Variants in ATP13A3 observed in about 807,000 individuals in gnomAD.
ATP13A3 encodes the protein ATPase 13A3, also known as polyamine-transporting ATPase 13A3.
In ATP13A3, 59 loss-of-function variants were observed where a neutral mutation model predicts 158.1. The observed-to-expected ratio is 0.37, with a 90% CI of 0.30 to 0.46. The LOEUF is 0.46. Ranked by LOEUF, ATP13A3 falls within the 20% of genes least tolerant of loss-of-function variation. The pLI, the probability that ATP13A3 is intolerant of heterozygous loss-of-function variation, is 1.00. For synonymous variants in ATP13A3, 491 were observed against 504.3 expected, an observed-to-expected ratio of 0.97 and a Z score of 0.35; for missense variants, 1,166 against 1,525.2, an observed-to-expected ratio of 0.76 and a Z score of 3.92.
chr3:194,415,701 G>A lies in ATP13A3; in HGVS notation c.3403-1862C>T, dbSNP rs1297696848. Among the ~76,000 whole-genome samples, 5 of 109,520 alleles carry A rather than the reference G, an allele frequency of 4.6e-5. 1 individual carries two copies. The highest frequency in any genetic ancestry group is 1.4e-4 in the Admixed American group (1 of 7,374). The allele number at this position is 109,520 out of a possible 152,430, so 71.8% of individuals were successfully genotyped here. The stretch of plus-strand genomic sequence containing the variant: ...TTTTTTTTTTTTGAGACGGAGTCTC[G>A]CCCTGTCGCCCAGCCTGGAGTGCAG... On this transcript the variant is annotated intron_variant, in intron 31 of 33. Transcript: ENST00000645319.
chr3:194,455,406 C>A (rs923323984), intron 8 of ATP13A3, among the ~76,000 whole-genome samples: 4 of 152,046 alleles, frequency 2.6e-5, no homozygotes, highest in Non-Finnish European at 5.9e-5. Flanking sequence ...TTGGAAAAAA[C>A]TTATTCCAAG....
chr3:194,412,379 A>C lies in ATP13A3; in HGVS notation c.3484-91T>G, dbSNP rs1461825921. 5.3e-6 allele frequency: 5 copies of C among 941,280 alleles called. No homozygotes were observed. The African/African-American group carries it at 8.1e-5, about 15-fold the overall frequency. 58.3% of individuals were successfully genotyped at this position (941,280 alleles called of 1,614,324 possible). A position where few individuals can be genotyped will look rare whatever the true frequency, so the allele number is the denominator to read the frequency against. On this transcript the variant is annotated intron_variant, in intron 32 of 33. Coordinates refer to ENST00000645319, the MANE Select transcript of ATP13A3 (RefSeq NM_001367549.1). ...TTTTAAAAAATCACACATGCTGCAT[A>C]ATTGATGAAAAGGATATTTTGATTT...
At chr3:194,425,582 A>G (rs1335195114) in intron 29 of ATP13A3, 53 bp from the exon 30 acceptor site, 14 of 1,421,062 alleles carry the variant, frequency 9.9e-6, no homozygotes, top group African/African-American at 1.4e-5. Flanking sequence ...CTCATTTCCC[A>G]AAAGAAACCA....
At chr3:194,471,054 A>G (rs952859778) in intron 2 of ATP13A3, among the ~76,000 whole-genome samples, 5 of 152,186 alleles carry the variant, frequency 3.3e-5, no homozygotes, top group South Asian at 2.1e-4. Flanking sequence ...AAGACTGAAT[A>G]GTTGATTGAA....
At chr3:194,431,688 T>A (rs776865318) in intron 22 of ATP13A3, 29 bp downstream of exon 22, 34 of 1,485,082 alleles carry the variant, frequency 2.3e-5, no homozygotes, top group Non-Finnish European at 3.0e-5. Flanking sequence ...TCAACAAACT[T>A]TAAAACGGAC....
chr3:194,426,612 T>C (rs747696258), intron 29 of ATP13A3, among the ~76,000 whole-genome samples: 16 of 152,170 alleles, frequency 1.1e-4, no homozygotes, highest in Non-Finnish European at 1.9e-4. Context: ...TATTAGGATT[T>C]TGCCTGAACA....
chr3:194,457,316 C>T (rs1719299116), intron 6 of ATP13A3, 142 bp from the exon 7 acceptor site: 1 of 591,522 alleles, frequency 1.7e-6, no homozygotes. Flanking sequence ...ATTGAGATAA[C>T]AAATGAGAAT....
chr3:194,470,801 G>A (rs927933124), intron 2 of ATP13A3, among the ~76,000 whole-genome samples: 2 of 152,156 alleles, frequency 1.3e-5, no homozygotes, highest in Middle Eastern at 6.3e-3. Flanking sequence ...TTGCTAGATA[G>A]ATTTCAAAAC....
At chr3:194,428,079 G>A (rs1252416954) in intron 28 of ATP13A3, among the ~76,000 whole-genome samples, 1 of 151,906 alleles carries the variant, frequency 6.6e-6, no homozygotes, top group African/African-American at 2.4e-5. Context: ...AAATTAGCAG[G>A]GCATGATGGT....
At chr3:194,461,061 T>C (rs1044445435) in intron 3 of ATP13A3, among the ~76,000 whole-genome samples, 2 of 152,228 alleles carry the variant, frequency 1.3e-5, no homozygotes, top group Non-Finnish European at 2.9e-5. Flanking sequence ...TTATATTTAA[T>C]TTATGCCTAA....
At chr3:194,440,777 T>C (rs1717996832) in intron 16 of ATP13A3, among the ~76,000 whole-genome samples, 1 of 152,166 alleles carries the variant, frequency 6.6e-6, no homozygotes, top group Non-Finnish European at 1.5e-5. Flanking sequence ...ACTGACTTTG[T>C]ATTTATAAAA....
At chr3:194,421,922 T>C (rs551482841) in intron 30 of ATP13A3, among the ~76,000 whole-genome samples, 2 of 145,000 alleles carry the variant, frequency 1.4e-5, no homozygotes, top group Non-Finnish European at 3.0e-5. Flanking sequence ...TGCGACCTGG[T>C]TCTTGACATG....
At chr3:194,406,829 T>C (rs761332863) in intron 33 of ATP13A3, among the ~76,000 whole-genome samples, 5 of 152,196 alleles carry the variant, frequency 3.3e-5, no homozygotes, top group Non-Finnish European at 7.3e-5. Context: ...ATTACGTCTT[T>C]TAAAACCTCA....
chr3:194,423,499 G>A (rs1426092320), intron 30 of ATP13A3, among the ~76,000 whole-genome samples: 1 of 152,234 alleles, frequency 6.6e-6, no homozygotes, highest in Admixed American at 6.5e-5. Context: ...ACACAGACAA[G>A]AGGTGAAAAC....
chr3:194,426,885 C>T (rs1293057328), intron 29 of ATP13A3, among the ~76,000 whole-genome samples, 190 bp downstream of exon 29: 1 of 152,076 alleles, frequency 6.6e-6, no homozygotes, highest in African/African-American at 2.4e-5. Flanking sequence ...TGGTCTCGAA[C>T]TCCTGGTCTC....
chr3:194,470,423 C>CT (rs1720250084), intron 2 of ATP13A3, among the ~76,000 whole-genome samples: 1 of 152,102 alleles, frequency 6.6e-6, no homozygotes, highest in Non-Finnish European at 1.5e-5. Context: ...TGCATAGGTA[C>CT]TTTATCGCTT....
At position 194,459,890 on chromosome 3, in the gene ATP13A3, A is replaced by G; in HGVS notation, c.307T>C (p.Ser103Pro). ...TYPVSSPKSM[S>P]NKLSNGHAVC... Reference sequence around the variant, plus strand: ...GCATGGCCATTTGAAAGCTTATTAGACATAGATTTTGGACTTGAAACTGGG... The same window carrying G: ...GCATGGCCATTTGAAAGCTTATTAGGCATAGATTTTGGACTTGAAACTGGG... Residue 103 changes from serine to proline, a missense_variant, in exon 5 of 34, where the codon TCT (serine) becomes CCT (proline). By Grantham distance (74) the Ser-to-Pro change is moderately conservative (BLOSUM62 -1). This residue lies in a region of ATP13A3 where 104 missense variants were observed against 91.7 expected (regional missense o/e 1.13). Coordinates refer to ENST00000645319, the MANE Select transcript of ATP13A3 (RefSeq NM_001367549.1). 1 of 1,613,438 alleles carries G rather than the reference A, an allele frequency of 6.2e-7. No homozygotes were observed. The highest frequency in any genetic ancestry group is 2.2e-5 in the East Asian group (1 of 44,772).
At chr3:194,493,674 A>G (rs934254212) in intron 2 of ATP13A3, among the ~76,000 whole-genome samples, 3 of 152,070 alleles carry the variant, frequency 2.0e-5, no homozygotes, top group Non-Finnish European at 4.4e-5. Context: ...TTTAGTGCAT[A>G]TTTGTCTCAC....
At chr3:194,475,654 ATGT>A (rs1720495019) in intron 2 of ATP13A3, among the ~76,000 whole-genome samples, 1 of 152,166 alleles carries the variant, frequency 6.6e-6, no homozygotes, top group African/African-American at 2.4e-5. Context: ...CATCATAAAA[ATGT>A]TAACTTTCTA....
Sources: gnomAD v4.1 joint callset for allele counts (sites outside exome capture counted in the v4.1 genomes callset) on GRCh38, gnomAD v4.1.1 for gene constraint, gnomAD v4.1.1 regional missense constraint, MANE v1.5 for transcripts, NCBI Gene and HGNC (gene_info 2026-07-23, HGNC 2026-07-21) for gene names.